SLC35F6: variants seen among roughly 807,000 people sequenced by gnomAD.
SLC35F6 encodes the protein ANT2-binding protein.
In SLC35F6, 26 loss-of-function variants were observed where a neutral mutation model predicts 29.4. That is an observed-to-expected ratio of 0.89 (90% CI 0.65 to 1.23). The LOEUF (loss-of-function observed/expected upper bound fraction) is 1.23. Among genes scored for constraint, SLC35F6 ranks in the 50% most tolerant of loss-of-function variants. The pLI, the probability that SLC35F6 is intolerant of heterozygous loss-of-function variation, is 0.00. For missense variants in SLC35F6, 428 were observed against 487.8 expected (o/e 0.88, Z 1.15); for synonymous variants, 174 against 206.6 (o/e 0.84, Z 1.35).
intron 1 of SLC35F6, among the ~76,000 whole-genome samples, chr2:26,768,184 G>T (rs1664130216): frequency 6.6e-6 from 1 of 152,212 alleles, no homozygotes; most frequent in African/African-American, 2.4e-5. Flanking sequence ...GGGCCAGCTT[G>T]TGGAAGCCTT....
At chr2:26,765,642 G>A (rs1258317362) in intron 1 of SLC35F6, among the ~76,000 whole-genome samples, 1 of 152,242 alleles carries the variant, frequency 6.6e-6, no homozygotes, top group East Asian at 1.9e-4. Flanking sequence ...GCACACGACA[G>A]TCACAGTGTT....
chr2:26,773,500 T>TAAG (rs1664237807), intron 1 of SLC35F6, among the ~76,000 whole-genome samples: 1 of 47,942 alleles, frequency 2.1e-5, no homozygotes, highest in African/African-American at 1.7e-4. Context: ...GAGACTCCAT[T>TAAG]AAGAAAAAAA....
At chr2:26,774,079 G>A (rs1246309558) in intron 1 of SLC35F6, among the ~76,000 whole-genome samples, 172 bp from the exon 2 acceptor site, 3 of 152,194 alleles carry the variant, frequency 2.0e-5, no homozygotes. Flanking sequence ...GTGACTTGAG[G>A]AAATGCCAAG....
Position 26,775,517 on chromosome 2 carries a change from A to G in SLC35F6, c.376A>G (p.Ile126Val). The G allele has an allele frequency of 1.2e-6, 2 of 1,611,698 alleles. No individual in the cohort carries two copies. The highest frequency in any genetic ancestry group is 1.7e-6 in the Non-Finnish European group (2 of 1,179,848). Residue 126 changes from isoleucine to valine, a missense_variant, in exon 4 of 6, where the codon ATA (isoleucine) becomes GTA (valine). Transcript: ENST00000344420. The surrounding 1 kb of genome is among the most constrained non-coding windows in gnomAD (Gnocchi z 4.6). Reference sequence around the variant, plus strand: ...CCAGATGCTGCGGGGTGCAGTGATCATATTCACTGGCCTGTTCTCGGTGGC... The same window carrying G: ...CCAGATGCTGCGGGGTGCAGTGATCGTATTCACTGGCCTGTTCTCGGTGGC... ...SFQMLRGAVIIFTGLFSVAFL... is the reference protein window; with the variant it reads ...SFQMLRGAVIVFTGLFSVAFL...
chr2:26,764,680 C>T (rs747512820), intron 1 of SLC35F6: 38 of 638,772 alleles, frequency 5.9e-5, no homozygotes, highest in Non-Finnish European at 7.4e-5. Flanking sequence ...CGTCTTTTAA[C>T]AGGAGGGTTG....
chr2:26,778,112 C>A lies in SLC35F6; in HGVS notation c.717C>A (p.Ser239Arg). Residue 239 changes from serine to arginine, a missense_variant, in exon 6 of 6, where the codon AGC (serine) becomes AGA (arginine). Physicochemically the swap from Ser to Arg is moderately radical, Grantham distance 110 (BLOSUM62 -1). Coordinates refer to ENST00000344420, the MANE Select transcript of SLC35F6 (RefSeq NM_017877.4). ...ACTACATCCCCGCCGGCTCCTTCAGCGGAAACCCTCGTGGGACACTGGAGG... is the reference window on the plus strand; with the variant it reads ...ACTACATCCCCGCCGGCTCCTTCAGAGGAAACCCTCGTGGGACACTGGAGG... ...PMYYIPAGSF[S>R]GNPRGTLEDA... The A allele has an allele frequency of 6.2e-7, 1 of 1,614,154 alleles. No homozygotes were observed. The highest frequency in any genetic ancestry group is 8.5e-7 in the Non-Finnish European group (1 of 1,180,014).
At position 26,780,165 on chromosome 2, in the gene SLC35F6, TGCCTG is replaced by T. The variant is rs1222462696; in HGVS notation, c.*1656_*1660del. 3.3e-5 allele frequency: 5 copies of T among 152,272 alleles called. No homozygotes were observed. Among genetic ancestry groups the T allele is most frequent in the African/African-American group, 1.2e-4 (5 of 41,556 alleles). The allele number at this position is 152,272 out of a possible 1,614,324, so 9.4% of individuals were successfully genotyped here. On this transcript the variant is annotated 3_prime_UTR_variant, in exon 6 of 6. Transcript: ENST00000344420. The stretch of plus-strand genomic sequence containing the variant: ...TTACTCTCACCTCTGAGGCCTCCTC[TGCCTG>T]GAAGAGATTACAGGGAAATTCCAGG...
chr2:26,764,445 G>A lies in SLC35F6; in HGVS notation c.77+19G>A. On this transcript the variant is annotated intron_variant, in intron 1 of 5. Transcript: ENST00000344420. ...CGGCAAAGTGAGTCTGGGCCCTGCC[G>A]GGCGTGCGGGCCCTGGCGACCCCGG... 6.4e-7 allele frequency: 1 copy of A among 1,550,734 alleles called. No individual in the cohort carries two copies. The highest frequency in any genetic ancestry group is 1.4e-5 in the African/African-American group (1 of 73,164).
In SLC35F6 at chr2:26,779,815, C is replaced by CTT. The variant is rs75851338; in HGVS notation, c.*1325_*1326dup. 100 of 118,288 alleles carry CTT rather than the reference C, an allele frequency of 8.5e-4. 1 individual carries two copies. The highest frequency in any genetic ancestry group is 1.1e-3 in the East Asian group (5 of 4,460). The allele number at this position is 118,288 out of a possible 1,614,324, so 7.3% of individuals were successfully genotyped here. On this transcript the variant is annotated 3_prime_UTR_variant, in exon 6 of 6. Coordinates refer to ENST00000344420, the MANE Select transcript of SLC35F6 (RefSeq NM_017877.4). ...ACAGGCATGAGCCACCACGCCCAGC[C>CTT]TTTTTTTTTTTTTTTTTTTTTTCTT...
At chr2:26,765,893 G>T (rs1664088365) in intron 1 of SLC35F6, among the ~76,000 whole-genome samples, 2 of 152,190 alleles carry the variant, frequency 1.3e-5, no homozygotes, top group African/African-American at 4.8e-5. Flanking sequence ...GCCAGCCAGG[G>T]CCTCTGTCAA....
Position 26,774,252 on chromosome 2 carries a change from T to C in SLC35F6, c.79T>C (p.Trp27Arg), listed in dbSNP as rs375390451. 3.1e-6 allele frequency: 5 copies of C among 1,613,986 alleles called. No homozygotes were observed. The highest frequency in any genetic ancestry group is 2.2e-5 in the East Asian group (1 of 44,890). ...TGSINTLSAK[W>R]ADNFMAEGCG... ...TGACCTTCCCTCTCTCTCCTACAGA[T>C]GGGCGGACAATTTCATGGCCGAGGG... Residue 27 changes from tryptophan (W) to arginine (R), a missense_variant and splice_region_variant, in exon 2 of 6, where the codon TGG becomes CGG. By Grantham distance (101) the Trp-to-Arg change is moderately radical. Transcript: ENST00000344420.
At chr2:26,771,054 C>G (rs1275790350) in intron 1 of SLC35F6, among the ~76,000 whole-genome samples, 1 of 152,238 alleles carries the variant, frequency 6.6e-6, no homozygotes, top group African/African-American at 2.4e-5. Context: ...TACCATTTCC[C>G]CAGCCGGGAG....
At chr2:26,771,999 C>T (rs1229898433) in intron 1 of SLC35F6, among the ~76,000 whole-genome samples, 1 of 152,138 alleles carries the variant, frequency 6.6e-6, no homozygotes, top group African/African-American at 2.4e-5. Flanking sequence ...CAGTTCTGTC[C>T]GAACTTCTCC....
intron 1 of SLC35F6, among the ~76,000 whole-genome samples, chr2:26,773,815 G>C (rs1664246539): frequency 6.6e-6 from 1 of 151,880 alleles, no homozygotes; most frequent in South Asian, 2.1e-4. Flanking sequence ...GTTTCACCAT[G>C]TTGGCCAGGC....
rs189360686 is a variant in SLC35F6 at position 26,771,066 on chromosome 2, G to A, written c.78-3185G>A. Among the ~76,000 whole-genome samples, 273 of 152,336 alleles carry A rather than the reference G, an allele frequency of 1.8e-3. 1 individual carries two copies. The highest frequency in any genetic ancestry group is 6.3e-3 in the African/African-American group (263 of 41,578). ...AGATACCATTTCCCCAGCCGGGAGC[G>A]CTGCCAGCCAGGCCTGTCTAGGCAG... On this transcript the variant is annotated intron_variant, in intron 1 of 5. Coordinates refer to ENST00000344420, the MANE Select transcript of SLC35F6 (RefSeq NM_017877.4).
chr2:26,765,050 T>C, intron 1 of SLC35F6: 1 of 972,992 alleles, frequency 1.0e-6, no homozygotes, highest in South Asian at 4.7e-5. Context: ...GGGAATGACA[T>C]GTTGAAAGTG....
chr2:26,764,517 C>G (rs1413097333), intron 1 of SLC35F6, 91 bp downstream of exon 1: 2 of 1,457,460 alleles, frequency 1.4e-6, no homozygotes, highest in East Asian at 2.5e-5. Flanking sequence ...CTCCTGGCTT[C>G]CCCTGCTTTC....
intron 1 of SLC35F6, among the ~76,000 whole-genome samples, chr2:26,771,060 G>A (rs1558292310): frequency 1.3e-5 from 2 of 152,204 alleles, no homozygotes; most frequent in African/African-American, 2.4e-5. Flanking sequence ...TTCCCCAGCC[G>A]GGAGCGCTGC....
chr2:26,774,164 G>C, intron 1 of SLC35F6, 87 bp from the exon 2 acceptor site: 2 of 1,528,166 alleles, frequency 1.3e-6, no homozygotes, highest in Non-Finnish European at 1.8e-6. Flanking sequence ...CCAGGTCTGG[G>C]CCTCTTGACA....
Sources: gnomAD v4.1 joint callset for allele counts (sites outside exome capture counted in the v4.1 genomes callset) on GRCh38, gnomAD v4.1.1 for gene constraint, Gnocchi (gnomAD v3.1) non-coding constraint, MANE v1.5 for transcripts, NCBI Gene and HGNC (gene_info 2026-07-23, HGNC 2026-07-21) for gene names.